The following DOCK2 variants were observed in gnomAD, a reference collection of about 807,000 sequenced individuals.
The protein encoded by DOCK2 is dedicator of cytokinesis protein 2.
A neutral mutation model predicts 248.9 loss-of-function variants in DOCK2; 87 were observed. That is an observed-to-expected ratio of 0.35 (90% CI 0.29 to 0.42). The LOEUF is 0.42. Ranked by LOEUF, DOCK2 falls within the 10% of genes least tolerant of loss-of-function variation. The pLI is 1.00. For missense variants in DOCK2, 1,747 were observed against 2,300.2 expected (o/e 0.76, Z 4.92); for synonymous variants, 805 against 821.6 (o/e 0.98, Z 0.35).
chr5:169,738,730 C>T (rs1763166438), intron 22 of DOCK2, among the ~76,000 whole-genome samples: 1 of 152,102 alleles, frequency 6.6e-6, no homozygotes, highest in South Asian at 2.1e-4. Flanking sequence ...CAATAGAAGC[C>T]AGATAAGAAT....
chr5:169,946,519 A>C (rs1776455524), intron 27 of DOCK2, among the ~76,000 whole-genome samples: 2 of 152,216 alleles, frequency 1.3e-5, no homozygotes, highest in South Asian at 4.1e-4. Context: ...GAATTCCAGC[A>C]AAACACTGCA....
chr5:169,835,509 C>A (rs527771620), intron 26 of DOCK2, among the ~76,000 whole-genome samples: 8 of 152,088 alleles, frequency 5.3e-5, no homozygotes, highest in Non-Finnish European at 1.2e-4. Flanking sequence ...CCCGCCTCAG[C>A]CTCCCAAAGT....
At chr5:169,999,730 G>A (rs1754769332) in intron 30 of DOCK2, among the ~76,000 whole-genome samples, 1 of 152,142 alleles carries the variant, frequency 6.6e-6, no homozygotes, top group South Asian at 2.1e-4. Flanking sequence ...GTGTAAGAAT[G>A]GATTTGTTCT....
chr5:169,746,872 A>C (rs1763643534), intron 22 of DOCK2, among the ~76,000 whole-genome samples: 1 of 152,116 alleles, frequency 6.6e-6, no homozygotes, highest in Non-Finnish European at 1.5e-5. Context: ...TAGGGATTTT[A>C]TAATCAGAGA....
intron 27 of DOCK2, among the ~76,000 whole-genome samples, chr5:169,981,942 T>C (rs1327133543): frequency 6.6e-6 from 1 of 152,204 alleles, no homozygotes; most frequent in Non-Finnish European, 1.5e-5. Flanking sequence ...TTCACTTTAT[T>C]GCGGTGGTCT....
At chr5:170,069,350 C>A in intron 46 of DOCK2, 130 bp downstream of exon 46, 1 of 882,874 alleles carries the variant, frequency 1.1e-6, no homozygotes, top group Non-Finnish European at 1.8e-6. Context: ...TGCTTTTCAG[C>A]CCCTCTTCCA....
At chr5:170,017,056 G>T (rs1364899285) in intron 32 of DOCK2, among the ~76,000 whole-genome samples, 1 of 152,100 alleles carries the variant, frequency 6.6e-6, no homozygotes, top group Non-Finnish European at 1.5e-5. Flanking sequence ...CACTAACTGA[G>T]GATATTCCTA....
chr5:170,072,664 A>G (rs1757719340), intron 46 of DOCK2, among the ~76,000 whole-genome samples: 1 of 152,186 alleles, frequency 6.6e-6, no homozygotes, highest in Non-Finnish European at 1.5e-5. Context: ...GTTGATCCAC[A>G]TTCTCCCTGA....
chr5:169,954,280 C>T (rs1776778983), intron 27 of DOCK2, among the ~76,000 whole-genome samples: 2 of 152,166 alleles, frequency 1.3e-5, no homozygotes, highest in South Asian at 4.1e-4. Context: ...GTGAGTGATT[C>T]TAAGGAATAA....
At chr5:169,896,715 C>T (rs261065) in intron 27 of DOCK2, among the ~76,000 whole-genome samples, 113,891 of 152,096 alleles carry the variant, frequency 0.75, 43,549 homozygotes, top group African/African-American at 0.89. Flanking sequence ...ACTCACTAGT[C>T]GCCACTCAAA....
chr5:169,690,129 C>G (rs527300732), intron 9 of DOCK2, among the ~76,000 whole-genome samples: 1 of 150,516 alleles, frequency 6.6e-6, no homozygotes, highest in African/African-American at 2.4e-5. Flanking sequence ...TCTCGGCTCT[C>G]AAGGAGAATC....
chr5:169,981,676 C>A (rs1299049499), intron 27 of DOCK2, among the ~76,000 whole-genome samples: 1 of 152,158 alleles, frequency 6.6e-6, no homozygotes, highest in African/African-American at 2.4e-5. Context: ...GCAACCACCA[C>A]CCTGATCAGT....
rs1225540332 is a variant in DOCK2 at position 169,745,057 on chromosome 5, C to T, written c.2268-2339C>T. 3.3e-5 allele frequency among the ~76,000 whole-genome samples: 5 copies of T among 152,172 alleles called. No individual in the cohort carries two copies. In the East Asian group the frequency reaches 5.8e-4, roughly 18 times the overall value. Reference sequence around the variant, plus strand: ...AGCCATGGTGATGGAATTCATTCAGCGTTTTCAGGCAGCTGTGCCTCATGG... The same window carrying T: ...AGCCATGGTGATGGAATTCATTCAGTGTTTTCAGGCAGCTGTGCCTCATGG... On this transcript the variant is annotated intron_variant, in intron 22 of 51. Transcript: ENST00000520908.
chr5:169,810,198 ATTC>A (rs1401107239), intron 26 of DOCK2, among the ~76,000 whole-genome samples: 3 of 151,954 alleles, frequency 2.0e-5, no homozygotes, highest in African/African-American at 4.8e-5. Flanking sequence ...CTAGCAGGGT[ATTC>A]TTCTTTTTGC....
At chr5:169,991,346 G>A (rs1778200603) in intron 29 of DOCK2, among the ~76,000 whole-genome samples, 1 of 152,236 alleles carries the variant, frequency 6.6e-6, no homozygotes, top group Non-Finnish European at 1.5e-5. Context: ...AGGGTAGCAA[G>A]CCTGGGTTTG....
chr5:169,709,036 T>G (rs1761436374), intron 15 of DOCK2, among the ~76,000 whole-genome samples: 1 of 152,170 alleles, frequency 6.6e-6, no homozygotes, highest in African/African-American at 2.4e-5. Flanking sequence ...GAGCAATAGG[T>G]TGACTGTGGA....
intron 34 of DOCK2, among the ~76,000 whole-genome samples, chr5:170,031,369 A>C (rs909347738): frequency 1.3e-5 from 2 of 152,168 alleles, no homozygotes; most frequent in African/African-American, 4.8e-5. Context: ...AAAGCCTCCA[A>C]TGCCAAGTGA....
chr5:169,956,450 C>T (rs1210539121), intron 27 of DOCK2, among the ~76,000 whole-genome samples: 1 of 152,168 alleles, frequency 6.6e-6, no homozygotes, highest in African/African-American at 2.4e-5. Context: ...ACTGCAGCGA[C>T]TTTAAGCACA....
chr5:170,011,812 C>T (rs1755306954), intron 32 of DOCK2, among the ~76,000 whole-genome samples: 1 of 152,210 alleles, frequency 6.6e-6, no homozygotes, highest in African/African-American at 2.4e-5. Flanking sequence ...CCACAGCCCT[C>T]CCCTCTCTTT....
Sources: allele counts gnomAD v4.1 joint callset (sites outside exome capture counted in the v4.1 genomes callset), GRCh38; gene constraint gnomAD v4.1.1; transcripts MANE v1.5; gene names NCBI Gene and HGNC (gene_info 2026-07-23, HGNC 2026-07-21).